Variants in OTUD7A observed in about 807,000 individuals in gnomAD.
OTUD7A encodes the protein OTU deubiquitinase 7A.
Under a neutral mutation model 65.7 loss-of-function variants are expected in OTUD7A, and 12 were observed. The observed-to-expected ratio is 0.18, with a 90% CI of 0.12 to 0.30. The LOEUF is 0.30. Among genes scored for constraint, OTUD7A ranks in the 10% least tolerant of loss-of-function variants. The pLI is 1.00. For synonymous variants in OTUD7A, 641 were observed against 586.3 expected (o/e 1.09, Z -1.35); for missense variants, 1,148 against 1,304.8 (o/e 0.88, Z 1.85).
At chr15:31,622,542 C>T (rs1424465756) in intron 3 of OTUD7A, among the ~76,000 whole-genome samples, 4 of 152,174 alleles carry the variant, frequency 2.6e-5, no homozygotes. Flanking sequence ...ACCCTTTCTT[C>T]CAGTTGATGG....
At chr15:31,759,545 C>T (rs1894904807) in intron 1 of OTUD7A, among the ~76,000 whole-genome samples, 2 of 152,154 alleles carry the variant, frequency 1.3e-5, no homozygotes, top group African/African-American at 2.4e-5. Context: ...TTTGCCTTTT[C>T]GTTTTTGAGA....
At chr15:31,714,457 T>C (rs367661179) in intron 1 of OTUD7A, among the ~76,000 whole-genome samples, 9 of 152,300 alleles carry the variant, frequency 5.9e-5, no homozygotes, top group Admixed American at 2.0e-4. Context: ...AGGGGGCAGA[T>C]GCCTGCATCT....
At chr15:31,772,301 A>G (rs148025097) in intron 1 of OTUD7A, among the ~76,000 whole-genome samples, 1 of 152,156 alleles carries the variant, frequency 6.6e-6, no homozygotes, top group Non-Finnish European at 1.5e-5. Flanking sequence ...ATTTACCTGT[A>G]AACTGTTTAT....
intron 1 of OTUD7A, among the ~76,000 whole-genome samples, chr15:31,734,799 G>T (rs1359032585): frequency 6.6e-6 from 1 of 151,566 alleles, no homozygotes; most frequent in Non-Finnish European, 1.5e-5. Flanking sequence ...AACTATAAAA[G>T]CTCTGGAAGA....
rs189503493 is a variant in OTUD7A, at chr15:31,863,349, C to T, written c.-100+7158G>A. 1.4e-4 allele frequency among the ~76,000 whole-genome samples: 21 copies of T among 152,338 alleles called. No individual in the cohort carries two copies. The East Asian group carries it at 3.9e-3, about 28-fold the overall frequency. ...GACTTGTGTGGGGGCTCTGACCCCA[C>T]ATTTCTCTTCTGCACTGCCATAACA... On this transcript the variant is annotated intron_variant, in intron 1 of 12. Coordinates refer to ENST00000307050, the MANE Select transcript of OTUD7A (RefSeq NM_001382637.1).
intron 1 of OTUD7A, chr15:31,767,054 C>T: frequency 6.3e-7 from 1 of 1,595,472 alleles, no homozygotes. Flanking sequence ...ATTTTCTTAG[C>T]ACATCTTTCT....
chr15:31,487,452 T>G lies in OTUD7A; in HGVS notation c.1286A>C (p.His429Pro), dbSNP rs2041253861. The G allele has an allele frequency of 6.2e-7, 1 of 1,613,560 alleles. No homozygotes were observed. The highest frequency in any genetic ancestry group is 1.3e-5 in the African/African-American group (1 of 74,892). Residue 429 changes from histidine to proline, a missense_variant and splice_region_variant, in exon 11 of 13, where the codon CAC becomes CCC. By Grantham distance (77) the His-to-Pro change is moderately conservative (BLOSUM62 -2). Around this residue, in one of 6 missense-constraint regions of OTUD7A, gnomAD observed 842 missense variants for 769.5 expected, o/e 1.09. Coordinates refer to ENST00000307050, the MANE Select transcript of OTUD7A (RefSeq NM_001382637.1). The surrounding 1 kb of genome is among the most constrained non-coding windows in gnomAD (Gnocchi z 6.0). ...GGAAAGGGACAGAGTAGGATCTTAC[T>G]GGGCCAGCCGGGCGTTATCGTTGTC... ...KDDNDNARLA[H>P]LILSLEAKLN...
rs942340503 is a variant in OTUD7A at position 31,487,665 on chromosome 15, C to T, written c.1172-99G>A. Reference sequence around the variant, plus strand: ...CCAGGTATCTGGGTGACAAATGCACCGAGTGGACATCTACACAGATCTGTG... The same window carrying T: ...CCAGGTATCTGGGTGACAAATGCACTGAGTGGACATCTACACAGATCTGTG... On this transcript the variant is annotated intron_variant, in intron 10 of 12. Transcript: ENST00000307050. The surrounding 1 kb of genome is among the most constrained non-coding windows in gnomAD (Gnocchi z 6.0). 15 of 831,524 alleles carry T rather than the reference C, an allele frequency of 1.8e-5. No individual in the cohort carries two copies. Among genetic ancestry groups the T allele is most frequent in the Admixed American group, 4.9e-5 (2 of 41,066 alleles). 51.5% of individuals were successfully genotyped at this position (831,524 alleles called of 1,614,324 possible).
chr15:31,575,830 A>C (rs1566927532), intron 3 of OTUD7A, among the ~76,000 whole-genome samples: 2 of 152,216 alleles, frequency 1.3e-5, no homozygotes, highest in Non-Finnish European at 2.9e-5. Context: ...GGAGGCAGAG[A>C]GCTGGACATA....
chr15:31,869,804 G>A (rs1897977190), intron 1 of OTUD7A, among the ~76,000 whole-genome samples: 2 of 152,188 alleles, frequency 1.3e-5, no homozygotes, highest in South Asian at 2.1e-4. Context: ...GTCCAATGAA[G>A]GAAAGTTTTA....
intron 5 of OTUD7A, 143 bp from the exon 6 acceptor site, chr15:31,530,951 CAAATA>C (rs1357068953): frequency 9.0e-6 from 5 of 556,190 alleles, no homozygotes; most frequent in Non-Finnish European, 1.6e-5. Context: ...CTTCTCTCCT[CAAATA>C]AAATATAGAT....
intron 5 of OTUD7A, among the ~76,000 whole-genome samples, chr15:31,553,678 C>T (rs1448160964): frequency 1.3e-5 from 2 of 151,882 alleles, no homozygotes; most frequent in Non-Finnish European, 2.9e-5. Flanking sequence ...TCCCTGCCTG[C>T]CAGAGCCCCA....
intron 8 of OTUD7A, among the ~76,000 whole-genome samples, chr15:31,518,895 G>A (rs890997643): frequency 3.9e-5 from 6 of 152,254 alleles, no homozygotes; most frequent in African/African-American, 1.4e-4. Context: ...GCACAGTACA[G>A]GCTAGCAGGG....
intron 3 of OTUD7A, among the ~76,000 whole-genome samples, chr15:31,601,920 T>C (rs1025003728): frequency 6.6e-6 from 1 of 152,150 alleles, no homozygotes; most frequent in Non-Finnish European, 1.5e-5. Context: ...GTCAAATCCC[T>C]GAATAGACCA....
intron 6 of OTUD7A, among the ~76,000 whole-genome samples, chr15:31,528,706 T>A (rs17228394): frequency 0.2 from 30,789 of 152,216 alleles, 3,678 homozygotes; most frequent in East Asian, 0.44. Flanking sequence ...CCTGCATATA[T>A]CTGCCTACAG....
At chr15:31,717,964 A>G (rs4779917) in intron 1 of OTUD7A, among the ~76,000 whole-genome samples, 149,712 of 152,322 alleles carry the variant, frequency 0.98, 73,631 homozygotes, top group East Asian at 1. Flanking sequence ...CCTTGGGCAG[A>G]GTTCAGTCTA....
At chr15:31,834,736 C>T (rs1481162539) in intron 1 of OTUD7A, among the ~76,000 whole-genome samples, 1 of 152,184 alleles carries the variant, frequency 6.6e-6, no homozygotes, top group Non-Finnish European at 1.5e-5. Flanking sequence ...AATAGATAAA[C>T]GCTGTGTCTG....
chr15:31,846,622 C>G (rs1194873511), intron 1 of OTUD7A, among the ~76,000 whole-genome samples: 2 of 152,110 alleles, frequency 1.3e-5, no homozygotes, highest in Admixed American at 1.3e-4. Flanking sequence ...TGCCCAGCCC[C>G]CGGTGAGCCC....
At chr15:31,548,119 C>T (rs1888192797) in intron 5 of OTUD7A, among the ~76,000 whole-genome samples, 1 of 149,510 alleles carries the variant, frequency 6.7e-6, no homozygotes, top group Non-Finnish European at 1.5e-5. Flanking sequence ...CCTGACAGGA[C>T]TTGGGGATCA....
Sources: gnomAD v4.1 joint callset for allele counts (sites outside exome capture counted in the v4.1 genomes callset) on GRCh38, gnomAD v4.1.1 for gene constraint, gnomAD v4.1.1 regional missense constraint, Gnocchi (gnomAD v3.1) non-coding constraint, MANE v1.5 for transcripts, NCBI Gene and HGNC (gene_info 2026-07-23, HGNC 2026-07-21) for gene names.